The following FCHSD2 variants were observed in gnomAD, a reference collection of about 807,000 sequenced individuals.
FCHSD2 encodes F-BAR and double SH3 domains protein 2.
In FCHSD2, 38 loss-of-function variants were observed where a neutral mutation model predicts 108.1. The observed-to-expected ratio is 0.35, with a 90% CI of 0.27 to 0.46. The LOEUF (loss-of-function observed/expected upper bound fraction) is 0.46. FCHSD2 is among the 20% of genes least tolerant of loss of function. The pLI, the probability that FCHSD2 is intolerant of heterozygous loss-of-function variation, is 1.00. For missense variants in FCHSD2, 751 were observed against 897.8 expected, an observed-to-expected ratio of 0.84 and a Z score of 2.09; for synonymous variants, 279 against 314.7, an observed-to-expected ratio of 0.89 and a Z score of 1.20.
intron 4 of FCHSD2, among the ~76,000 whole-genome samples, chr11:73,013,838 C>A (rs1857912514): frequency 6.6e-6 from 1 of 152,108 alleles, no homozygotes; most frequent in African/African-American, 2.4e-5. Flanking sequence ...GAATATAACT[C>A]CTGGCCTCAA....
chr11:72,854,098 G>T (rs1861361826), intron 13 of FCHSD2, among the ~76,000 whole-genome samples: 1 of 152,164 alleles, frequency 6.6e-6, no homozygotes, highest in Non-Finnish European at 1.5e-5. Context: ...CAAGGATGTG[G>T]AAAAATTGGA....
chr11:73,064,641 A>G (rs541296056), intron 3 of FCHSD2, among the ~76,000 whole-genome samples: 1 of 152,282 alleles, frequency 6.6e-6, no homozygotes, highest in Admixed American at 6.5e-5. Flanking sequence ...TGATATCCTT[A>G]TATCAGTGGT....
intron 8 of FCHSD2, among the ~76,000 whole-genome samples, chr11:72,967,914 T>C (rs1308077419): frequency 6.6e-6 from 1 of 151,550 alleles, no homozygotes; most frequent in Non-Finnish European, 1.5e-5. Context: ...ACGCGGTGAA[T>C]CCCCATCTCT....
At chr11:73,081,433 CAATT>C (rs1029953340) in intron 3 of FCHSD2, among the ~76,000 whole-genome samples, 22 of 151,970 alleles carry the variant, frequency 1.4e-4, no homozygotes, top group Admixed American at 1.2e-3. Flanking sequence ...GACTCCATCT[CAATT>C]AAATAAATAA....
Position 72,889,920 on chromosome 11 carries a change from C to T in FCHSD2, c.950G>A (p.Gly317Glu). 6.2e-7 allele frequency: 1 copy of T among 1,612,264 alleles called. No individual in the cohort carries two copies. The highest frequency in any genetic ancestry group is 8.5e-7 in the Non-Finnish European group (1 of 1,178,412). The change falls in exon 11 of 20, where the codon GGG becomes GAG. Residue 317 changes from glycine (G) to glutamate (E), a missense_variant. Transcript: ENST00000409418. ...DTSRQLESET[G>E]TTEEHSLNKE... ...ATTTAGACTGTGCTCCTCTGTGGTC[C>T]CAGTTTCTGATTCTAACTGTCGGCT...
At chr11:72,979,482 T>G (rs1857172285) in intron 8 of FCHSD2, among the ~76,000 whole-genome samples, 1 of 151,210 alleles carries the variant, frequency 6.6e-6, no homozygotes, top group East Asian at 1.9e-4. Context: ...TTCCATAAAC[T>G]TCTAAAAAAA....
At chr11:72,890,409 G>A (rs1001577889) in intron 10 of FCHSD2, among the ~76,000 whole-genome samples, 12 of 152,048 alleles carry the variant, frequency 7.9e-5, no homozygotes, top group African/African-American at 2.7e-4. Flanking sequence ...ACACAATCTT[G>A]CACCCCTCCC....
chr11:72,849,288 G>A (rs935807004), intron 14 of FCHSD2, among the ~76,000 whole-genome samples: 2 of 152,152 alleles, frequency 1.3e-5, no homozygotes, highest in African/African-American at 4.8e-5. Context: ...TCGTCCTCGG[G>A]GCTGAAGACA....
chr11:73,037,251 C>T (rs2135458648), intron 3 of FCHSD2, among the ~76,000 whole-genome samples: 1 of 152,294 alleles, frequency 6.6e-6, no homozygotes, highest in East Asian at 1.9e-4. Context: ...CACAGTGGTA[C>T]ATTTACAATG....
intron 8 of FCHSD2, among the ~76,000 whole-genome samples, chr11:72,959,853 G>GGTGTGT (rs58451717): frequency 0.19 from 27,845 of 145,616 alleles, 2,762 homozygotes; most frequent in South Asian, 0.37. Context: ...AAGTTTCTAG[G>GGTGTGT]GTGTGTGTGT....
intron 8 of FCHSD2, among the ~76,000 whole-genome samples, chr11:72,960,113 A>G (rs1275290929): frequency 6.6e-6 from 1 of 152,202 alleles, no homozygotes; most frequent in East Asian, 1.9e-4. Context: ...TACAAAAAGC[A>G]CAGTGCCAGG....
chr11:72,939,304 T>G (rs1421790597), intron 8 of FCHSD2, among the ~76,000 whole-genome samples: 1 of 152,074 alleles, frequency 6.6e-6, no homozygotes, highest in Non-Finnish European at 1.5e-5. Context: ...CCCTAAAAAT[T>G]GTAACTAAGC....
At chr11:72,924,573 C>T (rs1051578242) in intron 8 of FCHSD2, among the ~76,000 whole-genome samples, 4 of 151,968 alleles carry the variant, frequency 2.6e-5, no homozygotes, top group East Asian at 1.9e-4. Context: ...TGAGCCACCA[C>T]GCCCCACCCA....
intron 3 of FCHSD2, among the ~76,000 whole-genome samples, chr11:73,038,027 C>G (rs2135459479): frequency 6.6e-6 from 1 of 152,250 alleles, no homozygotes; most frequent in South Asian, 2.1e-4. Flanking sequence ...TTTCCACAAA[C>G]AAGTCTTCTG....
At chr11:73,101,700 G>A (rs1297458189) in intron 2 of FCHSD2, among the ~76,000 whole-genome samples, 1 of 151,972 alleles carries the variant, frequency 6.6e-6, no homozygotes. Context: ...GCCTCCCAAA[G>A]TGCTGGGATT....
intron 6 of FCHSD2, among the ~76,000 whole-genome samples, chr11:72,987,596 C>T (rs1341889640): frequency 6.6e-6 from 1 of 152,178 alleles, no homozygotes; most frequent in Non-Finnish European, 1.5e-5. Context: ...GTCTAGCTTG[C>T]TGTATCCCCT....
chr11:72,894,957 C>T (rs2135260085), intron 10 of FCHSD2, among the ~76,000 whole-genome samples: 1 of 152,200 alleles, frequency 6.6e-6, no homozygotes, highest in South Asian at 2.1e-4. Flanking sequence ...CTGGAAAATT[C>T]TGAATTTTGA....
At chr11:73,068,443 C>G (rs1859348861) in intron 3 of FCHSD2, among the ~76,000 whole-genome samples, 1 of 151,814 alleles carries the variant, frequency 6.6e-6, no homozygotes, top group Non-Finnish European at 1.5e-5. Context: ...AGTAAACCAC[C>G]ATGGCACACA....
At chr11:73,018,534 A>C (rs1313990431) in intron 3 of FCHSD2, among the ~76,000 whole-genome samples, 1 of 139,948 alleles carries the variant, frequency 7.1e-6, no homozygotes, top group Admixed American at 7.1e-5. Flanking sequence ...TTTTTTTTTT[A>C]ATCATTATAT....
Sources: gnomAD v4.1 joint callset for allele counts (sites outside exome capture counted in the v4.1 genomes callset) on GRCh38, gnomAD v4.1.1 for gene constraint, MANE v1.5 for transcripts, NCBI Gene and HGNC (gene_info 2026-07-23, HGNC 2026-07-21) for gene names.